HCN1: variants seen among roughly 807,000 people sequenced by gnomAD.
HCN1 encodes the protein hyperpolarization activated cyclic nucleotide gated potassium channel 1.
A neutral mutation model predicts 78.9 loss-of-function variants in HCN1; 13 were observed. That is an observed-to-expected ratio of 0.16 (90% CI 0.11 to 0.26). The LOEUF is 0.26. HCN1 is among the 10% of genes least tolerant of loss of function. The probability of loss-of-function intolerance (pLI) is 1.00; values close to 1 mark genes in which losing one functional copy is unlikely to be tolerated. For missense variants in HCN1, 810 were observed against 1,154.3 expected (o/e 0.70, Z 4.32); for synonymous variants, 552 against 455.5 (o/e 1.21, Z -2.70).
intron 1 of HCN1, among the ~76,000 whole-genome samples, chr5:45,655,471 C>A (rs1745746891): frequency 6.6e-6 from 1 of 152,094 alleles, no homozygotes; most frequent in African/African-American, 2.4e-5. Context: ...CCACCATATT[C>A]AGATAAATAA....
intron 2 of HCN1, among the ~76,000 whole-genome samples, chr5:45,495,677 C>G (rs906649989): frequency 7.9e-5 from 12 of 152,072 alleles, no homozygotes; most frequent in East Asian, 1.9e-4. Context: ...CTGTCTTGTG[C>G]CAGTTTTCAA....
chr5:45,511,226 G>A (rs1260968219), intron 2 of HCN1, among the ~76,000 whole-genome samples: 3 of 151,930 alleles, frequency 2.0e-5, no homozygotes, highest in Non-Finnish European at 4.4e-5. Context: ...AAATTTCCAT[G>A]AGTCCATTAT....
At chr5:45,370,002 G>C (rs1267383435) in intron 4 of HCN1, among the ~76,000 whole-genome samples, 2 of 151,570 alleles carry the variant, frequency 1.3e-5, no homozygotes, top group Admixed American at 1.3e-4. Context: ...GACTGGAATT[G>C]TACTTCCACT....
rs905336760 is a variant in HCN1 at position 45,505,366 on chromosome 5, C to T, written c.850-43359G>A. 2.6e-5 allele frequency among the ~76,000 whole-genome samples: 4 copies of T among 152,276 alleles called. No individual in the cohort carries two copies. In the South Asian group the frequency reaches 8.3e-4, roughly 32 times the overall value. On this transcript the variant is annotated intron_variant, in intron 2 of 7. Transcript: ENST00000303230. ...CCATTTATTAAATAGGGAATCCTTT[C>T]CCCATTGCTTGTTTTTCTCAGGTTT...
At chr5:45,448,382 T>C (rs1381971718) in intron 3 of HCN1, among the ~76,000 whole-genome samples, 1 of 152,206 alleles carries the variant, frequency 6.6e-6, no homozygotes, top group Non-Finnish European at 1.5e-5. Context: ...GAAGACATTA[T>C]TAAACAAGAA....
intron 2 of HCN1, chr5:45,642,810 T>G (rs887772601): frequency 6.6e-6 from 1 of 152,160 alleles, no homozygotes; most frequent in Non-Finnish European, 1.5e-5. Context: ...GTTAGAAACA[T>G]GTAGGTGATG....
chr5:45,589,078 T>A (rs898687535), intron 2 of HCN1, among the ~76,000 whole-genome samples: 1 of 152,110 alleles, frequency 6.6e-6, no homozygotes, highest in Non-Finnish European at 1.5e-5. Flanking sequence ...TGAGAATAAA[T>A]TCCCAGAAAA....
At chr5:45,435,595 A>G (rs911891383) in intron 3 of HCN1, among the ~76,000 whole-genome samples, 2 of 152,194 alleles carry the variant, frequency 1.3e-5, no homozygotes, top group Non-Finnish European at 2.9e-5. Context: ...AACAAATCAC[A>G]GAGATCTGCT....
At chr5:45,378,236 C>T (rs1310840935) in intron 4 of HCN1, among the ~76,000 whole-genome samples, 4 of 152,040 alleles carry the variant, frequency 2.6e-5, no homozygotes, top group Non-Finnish European at 5.9e-5. Flanking sequence ...TAATCTTTGT[C>T]ATTATCCCTC....
Position 45,333,775 on chromosome 5 carries a change from T to C in HCN1, c.1377+19325A>G, listed in dbSNP as rs1746395865. 2.0e-5 allele frequency among the ~76,000 whole-genome samples: 3 copies of C among 151,834 alleles called. No individual in the cohort carries two copies. In the South Asian group the frequency reaches 6.2e-4, roughly 31 times the overall value. ...CCCCAGTATATTTTCTTGACATCTCTGTCAAACATGAACCTTCAAAGTGTT... is the reference window on the plus strand; with the variant it reads ...CCCCAGTATATTTTCTTGACATCTCCGTCAAACATGAACCTTCAAAGTGTT... On this transcript the variant is annotated intron_variant, in intron 5 of 7. Transcript: ENST00000303230.
chr5:45,414,531 T>A (rs1426704756), intron 3 of HCN1, among the ~76,000 whole-genome samples: 1 of 152,020 alleles, frequency 6.6e-6, no homozygotes, highest in Non-Finnish European at 1.5e-5. Flanking sequence ...CTAGATGAGT[T>A]TAGTATCACT....
chr5:45,508,621 C>T (rs1388230505), intron 2 of HCN1, among the ~76,000 whole-genome samples: 1 of 152,024 alleles, frequency 6.6e-6, no homozygotes, highest in Non-Finnish European at 1.5e-5. Flanking sequence ...AAACTCAGGG[C>T]ACTCTCAATG....
chr5:45,328,852 A>G (rs1746287569), intron 5 of HCN1, among the ~76,000 whole-genome samples: 1 of 151,690 alleles, frequency 6.6e-6, no homozygotes. Context: ...TTTAGTTAAT[A>G]AGCGATATTA....
intron 3 of HCN1, among the ~76,000 whole-genome samples, chr5:45,412,409 G>C (rs1449613794): frequency 6.6e-6 from 1 of 152,034 alleles, no homozygotes; most frequent in Non-Finnish European, 1.5e-5. Context: ...GTACCTCCAG[G>C]TTCTATGGAT....
chr5:45,601,321 G>A (rs1263089761), intron 2 of HCN1, among the ~76,000 whole-genome samples: 1 of 152,062 alleles, frequency 6.6e-6, no homozygotes, highest in Non-Finnish European at 1.5e-5. Context: ...AGATTCTACT[G>A]AGGCTCAGAT....
At chr5:45,294,140 T>C (rs768716757) in intron 6 of HCN1, among the ~76,000 whole-genome samples, 5 of 151,918 alleles carry the variant, frequency 3.3e-5, no homozygotes, top group Non-Finnish European at 5.9e-5. Context: ...AAATATAATA[T>C]AGAAGTAGAG....
chr5:45,654,620 C>T (rs761090326), intron 1 of HCN1, among the ~76,000 whole-genome samples: 3 of 152,044 alleles, frequency 2.0e-5, no homozygotes, highest in Non-Finnish European at 4.4e-5. Context: ...TAAAGAAGGA[C>T]AAAGAGAATA....
intron 1 of HCN1, among the ~76,000 whole-genome samples, chr5:45,670,594 A>G (rs975193645): frequency 2.0e-5 from 3 of 151,746 alleles, no homozygotes; most frequent in Non-Finnish European, 4.4e-5. Context: ...ATGCCCCTAC[A>G]CTATTTTAAT....
At position 45,262,642 on chromosome 5, in the gene HCN1, G is replaced by C. The variant is rs771934361; in HGVS notation, c.1952C>G (p.Ser651Trp). ...GCGGGAGGTCGGGGTCGTAGTAGAC[G>C]ATGTGGAATTCAGGGTTGTCATTTG... ...YPQMTTLNSTSSTTTPTSRMR... is the reference protein window; with the variant it reads ...YPQMTTLNSTWSTTTPTSRMR... The change falls in exon 8 of 8, where the codon TCG (serine) becomes TGG (tryptophan). Residue 651 changes from serine to tryptophan, a missense_variant. Transcript: ENST00000303230. 43 of 1,613,898 alleles carry C rather than the reference G, an allele frequency of 2.7e-5. No homozygotes were observed. Among genetic ancestry groups the C allele is most frequent in the Non-Finnish European group, 3.4e-6 (4 of 1,180,018 alleles).
Sources: gnomAD v4.1 joint callset for allele counts (sites outside exome capture counted in the v4.1 genomes callset) on GRCh38, gnomAD v4.1.1 for gene constraint, MANE v1.5 for transcripts, NCBI Gene and HGNC (gene_info 2026-07-23, HGNC 2026-07-21) for gene names.